The following ADGRE1 variants were observed in gnomAD, a reference collection of about 807,000 sequenced individuals.
The protein encoded by ADGRE1 is adhesion G protein-coupled receptor E1, also known as EGF-like module receptor 1.
A neutral mutation model predicts 102.7 loss-of-function variants in ADGRE1; 82 were observed. The ratio of observed to expected loss-of-function variants is 0.80; its 90% CI spans 0.67 to 0.96. The LOEUF (loss-of-function observed/expected upper bound fraction) is 0.96. Among genes scored for constraint, ADGRE1 ranks in the 40% least tolerant of loss-of-function variants. The pLI, the probability that ADGRE1 is intolerant of heterozygous loss-of-function variation, is 0.00. For missense variants in ADGRE1, 1,032 were observed against 1,085.3 expected (o/e 0.95, Z 0.69); for synonymous variants, 398 against 399.6 (o/e 1.00, Z 0.05).
intron 16 of ADGRE1, 28 bp downstream of exon 16, chr19:6,926,629 G>C: frequency 6.2e-7 from 1 of 1,610,350 alleles, no homozygotes; most frequent in South Asian, 1.1e-5. Flanking sequence ...TCTTCCTGAA[G>C]ACCCTGCTGC....
rs1385502361 is a variant in ADGRE1 at position 6,937,368 on chromosome 19, AG to A, written c.2512del (p.Ala838ProfsTer84). 3.7e-6 allele frequency: 6 copies of A among 1,613,854 alleles called. No individual in the cohort carries two copies. The highest frequency in any genetic ancestry group is 5.1e-6 in the Non-Finnish European group (6 of 1,180,000). On this transcript the variant is annotated frameshift_variant, in exon 19 of 21. Transcript: ENST00000312053. LOFTEE classifies it high-confidence loss of function. Reference protein sequence around the residue: ...AYLFTIINSLQGAFIFLIHCL... With the variant: ...AYLFTIINSLXGAFIFLIHCL... The stretch of plus-strand genomic sequence containing the variant: ...CTGTTCACCATCATCAACAGCCTGC[AG>A]GGGGCCTTCATCTTCCTCATCCACT...
intron 19 of ADGRE1, 64 bp downstream of exon 19, chr19:6,937,475 A>G: frequency 5.7e-6 from 5 of 882,186 alleles, no homozygotes; most frequent in Non-Finnish European, 7.3e-6. Context: ...TCCCCACCGC[A>G]TCCCTCCACC....
At chr19:6,918,777 T>G (rs1974503500) in intron 12 of ADGRE1, among the ~76,000 whole-genome samples, 1 of 152,148 alleles carries the variant, frequency 6.6e-6, no homozygotes, top group African/African-American at 2.4e-5. Flanking sequence ...CAGGCTGGAG[T>G]GCAGTGGCGG....
At chr19:6,928,256 G>A in intron 17 of ADGRE1, 45 bp downstream of exon 17, 2 of 1,613,926 alleles carry the variant, frequency 1.2e-6, no homozygotes, top group Non-Finnish European at 1.7e-6. Context: ...TTCTGAAGGA[G>A]GAGCAAGGAG....
At chr19:6,935,136 A>G (rs1975349182) in intron 18 of ADGRE1, 58 bp downstream of exon 18, 3 of 1,425,556 alleles carry the variant, frequency 2.1e-6, no homozygotes, top group Admixed American at 2.0e-5. Context: ...CTTCCCAGAA[A>G]AGTTCTTTGA....
intron 5 of ADGRE1, chr19:6,898,237 C>A (rs1487053260): frequency 9.0e-5 from 108 of 1,199,008 alleles, no homozygotes; most frequent in Non-Finnish European, 1.2e-4. Flanking sequence ...ATTGTTTTAA[C>A]TTTTTTTTTT....
intron 5 of ADGRE1, chr19:6,897,789 A>T: frequency 3.6e-6 from 1 of 274,348 alleles, no homozygotes; most frequent in Non-Finnish European, 6.7e-6. Context: ...AAAATTTTTT[A>T]TCTGGTTTAA....
Position 6,899,573 on chromosome 19 carries a change from G to A in ADGRE1, c.514+2026G>A, listed in dbSNP as rs536847891. On this transcript the variant is annotated intron_variant, in intron 5 of 20. Coordinates refer to ENST00000312053, the MANE Select transcript of ADGRE1 (RefSeq NM_001974.5). Reference sequence around the variant, plus strand: ...CAGGCACCTGTAATCCCAGCTACTCGGGAGGCTGAGGCAGGAGAATTGCTT... The same window carrying A: ...CAGGCACCTGTAATCCCAGCTACTCAGGAGGCTGAGGCAGGAGAATTGCTT... Among the ~76,000 whole-genome samples, 753 of 151,950 alleles carry A rather than the reference G, an allele frequency of 5.0e-3. 3 individuals are homozygous for A. Among genetic ancestry groups the A allele is most frequent in the African/African-American group, 0.016 (671 of 41,448 alleles).
At chr19:6,924,947 T>A in intron 15 of ADGRE1, 75 bp downstream of exon 15, 1 of 1,480,518 alleles carries the variant, frequency 6.8e-7, no homozygotes, top group Non-Finnish European at 9.3e-7. Context: ...CCTAGCCAAC[T>A]CCCTCTATCC....
intron 16 of ADGRE1, 78 bp from the exon 17 acceptor site, chr19:6,928,067 G>A: frequency 6.6e-7 from 1 of 1,519,104 alleles, no homozygotes; most frequent in Admixed American, 2.0e-5. Flanking sequence ...TCCTCCACTA[G>A]GGCATTTGTT....
rs114116829 is a variant in ADGRE1, at chr19:6,930,426, C to A, written c.2289+2215C>A. Among the ~76,000 whole-genome samples, 1,107 of 152,036 alleles carry A rather than the reference C, an allele frequency of 7.3e-3. 16 individuals carry two copies. Among genetic ancestry groups the A allele is most frequent in the African/African-American group, 0.025 (1,048 of 41,444 alleles). Reference sequence around the variant, plus strand: ...CCCTTATGTCTTTTGTCATATTTTTCGAGGATTAAATTTTTTTTTATTTTT... The same window carrying A: ...CCCTTATGTCTTTTGTCATATTTTTAGAGGATTAAATTTTTTTTTATTTTT... On this transcript the variant is annotated intron_variant, in intron 17 of 20. Coordinates refer to ENST00000312053, the MANE Select transcript of ADGRE1 (RefSeq NM_001974.5).
intron 17 of ADGRE1, among the ~76,000 whole-genome samples, chr19:6,929,274 C>A (rs1975046372): frequency 3.3e-5 from 5 of 152,120 alleles, no homozygotes; most frequent in African/African-American, 1.2e-4. Context: ...GAGAGGGCCT[C>A]CTGAGTGGGA....
chr19:6,895,396 G>T (rs1344700216), intron 2 of ADGRE1: 1 of 152,240 alleles, frequency 6.6e-6, no homozygotes, highest in Non-Finnish European at 1.5e-5. Flanking sequence ...GGATTTGGGG[G>T]AACAGCCACC....
In ADGRE1 at chr19:6,921,936, T is replaced by TG; in HGVS notation, c.1791+56dup. On this transcript the variant is annotated intron_variant, in intron 14 of 20. Coordinates refer to ENST00000312053, the MANE Select transcript of ADGRE1 (RefSeq NM_001974.5). Reference sequence around the variant, plus strand: ...GCAGAGTATCTGCCTCCAAATCCAATGGGAAAATATTGATTAAACATCTGT... The same window carrying TG: ...GCAGAGTATCTGCCTCCAAATCCAATGGGGAAAATATTGATTAAACATCTGT... 2.0e-6 allele frequency: 3 copies of TG among 1,533,414 alleles called. No individual in the cohort carries two copies. In the East Asian group the frequency reaches 6.8e-5, roughly 35 times the overall value. The allele number at this position is 1,533,414 out of a possible 1,614,324, so 95.0% of individuals were successfully genotyped here.
At chr19:6,935,099 C>G (rs1298916635) in intron 18 of ADGRE1, 21 bp downstream of exon 18, 1 of 1,478,244 alleles carries the variant, frequency 6.8e-7, no homozygotes, top group Admixed American at 2.3e-5. Flanking sequence ...CTTTCACCTC[C>G]CCCCCTCTTT....
chr19:6,911,708 CACAT>C (rs900296333), intron 10 of ADGRE1, among the ~76,000 whole-genome samples: 160 of 151,618 alleles, frequency 1.1e-3, no homozygotes, highest in African/African-American at 3.2e-3. Flanking sequence ...CGTGTACACA[CACAT>C]ATACACCTCC....
intron 1 of ADGRE1, 60 bp from the exon 2 acceptor site, chr19:6,890,421 G>GGTT: frequency 2.2e-6 from 1 of 450,560 alleles, no homozygotes; most frequent in Non-Finnish European, 3.3e-6. Flanking sequence ...AGCCCAAAAG[G>GGTT]TTTTTTTTTT....
intron 1 of ADGRE1, among the ~76,000 whole-genome samples, chr19:6,888,722 A>G (rs183976372): frequency 6.6e-6 from 1 of 152,354 alleles, no homozygotes; most frequent in East Asian, 1.9e-4. Flanking sequence ...TAAAATAATT[A>G]ATGAATGAGT....
chr19:6,912,304 T>C (rs1974236500), intron 10 of ADGRE1, among the ~76,000 whole-genome samples: 2 of 152,120 alleles, frequency 1.3e-5, no homozygotes, highest in Non-Finnish European at 2.9e-5. Flanking sequence ...TTTAGGACAG[T>C]GATTAATGAT....
Sources: allele counts gnomAD v4.1 joint callset (sites outside exome capture counted in the v4.1 genomes callset), GRCh38; gene constraint gnomAD v4.1.1; transcripts MANE v1.5; gene names NCBI Gene and HGNC (gene_info 2026-07-23, HGNC 2026-07-21).